NCOA1: variants seen among roughly 807,000 people sequenced by gnomAD.
NCOA1 encodes nuclear receptor coactivator 1, also known as Hin-2 protein.
A neutral mutation model predicts 150.9 loss-of-function variants in NCOA1; 35 were observed. The ratio of observed to expected loss-of-function variants is 0.23; its 90% confidence interval spans 0.18 to 0.31. The LOEUF is 0.31. Ranked by LOEUF, NCOA1 falls within the 10% of genes least tolerant of loss-of-function variation. The pLI, the probability that NCOA1 is intolerant of heterozygous loss-of-function variation, is 1.00. For missense variants in NCOA1, 1,491 were observed against 1,749.3 expected (o/e 0.85, Z 2.63); for synonymous variants, 590 against 630.0 (o/e 0.94, Z 0.95).
At chr2:24,642,135 GTATTATTTTCATTT>G (rs946930592) in intron 3 of NCOA1, among the ~76,000 whole-genome samples, 4 of 151,384 alleles carry the variant, frequency 2.6e-5, no homozygotes, top group African/African-American at 9.7e-5. Context: ...TTCAGACTGG[GTATTATTTTCATTT>G]CAAGTTCACT....
intron 1 of NCOA1, among the ~76,000 whole-genome samples, chr2:24,544,283 A>G (rs554093235): frequency 4.9e-4 from 75 of 152,164 alleles, no homozygotes; most frequent in Non-Finnish European, 8.5e-4. Context: ...TGGTAGTTGG[A>G]TAAGTGGGTT....
intron 3 of NCOA1, among the ~76,000 whole-genome samples, chr2:24,640,146 G>T (rs906130699): frequency 6.6e-6 from 1 of 151,466 alleles, no homozygotes; most frequent in African/African-American, 2.4e-5. Flanking sequence ...ATATGTTAAT[G>T]GTTTCTAACT....
intron 3 of NCOA1, among the ~76,000 whole-genome samples, chr2:24,593,518 CTT>C (rs1229380634): frequency 6.6e-6 from 1 of 152,062 alleles, no homozygotes; most frequent in African/African-American, 2.4e-5. Context: ...TTACACATTT[CTT>C]TGTCCTTCCT....
chr2:24,534,852 G>T (rs1391735888), intron 1 of NCOA1, among the ~76,000 whole-genome samples: 1 of 152,184 alleles, frequency 6.6e-6, no homozygotes, highest in African/African-American at 2.4e-5. Flanking sequence ...ATTTGCTGAG[G>T]AGTGCTTTAC....
intron 18 of NCOA1, 65 bp downstream of exon 18, chr2:24,739,598 G>T: frequency 8.3e-7 from 1 of 1,206,156 alleles, no homozygotes; most frequent in South Asian, 1.2e-5. Flanking sequence ...TTAAAGTGTT[G>T]ACTTGAGTGT....
chr2:24,498,975 C>T, intron 1 of NCOA1, among the ~76,000 whole-genome samples: 1 of 151,600 alleles, frequency 6.6e-6, no homozygotes, highest in East Asian at 1.9e-4. Context: ...GAAGTTGGTA[C>T]AAAATCTTTT....
intron 1 of NCOA1, among the ~76,000 whole-genome samples, chr2:24,533,077 T>A (rs1272771481): frequency 6.6e-6 from 1 of 152,316 alleles, no homozygotes; most frequent in Middle Eastern, 3.4e-3. Context: ...ATTCTTCCTA[T>A]CCATGAGCAT....
chr2:24,708,291 G>C (rs1448013561), intron 13 of NCOA1, among the ~76,000 whole-genome samples: 1 of 152,170 alleles, frequency 6.6e-6, no homozygotes. Flanking sequence ...TAAGGAGATG[G>C]ACAAGGTTAC....
chr2:24,550,767 T>C (rs1235843658), intron 1 of NCOA1, among the ~76,000 whole-genome samples: 1 of 152,242 alleles, frequency 6.6e-6, no homozygotes, highest in Non-Finnish European at 1.5e-5. Context: ...TCACTTGTTT[T>C]GTACAGTTTC....
chr2:24,642,041 C>T (rs976666648), intron 3 of NCOA1, among the ~76,000 whole-genome samples: 10 of 87,472 alleles, frequency 1.1e-4, no homozygotes, highest in Admixed American at 4.9e-4. Context: ...TGTGTGTGCG[C>T]GCGTGCGTAT....
intron 1 of NCOA1, among the ~76,000 whole-genome samples, chr2:24,560,613 C>A (rs889760231): frequency 1.3e-5 from 2 of 152,072 alleles, no homozygotes; most frequent in Admixed American, 6.6e-5. Flanking sequence ...AGGTTTGAAC[C>A]CAGGCTATTT....
At chr2:24,699,567 A>G (rs928399459) in intron 11 of NCOA1, among the ~76,000 whole-genome samples, 1 of 151,978 alleles carries the variant, frequency 6.6e-6, no homozygotes, top group African/African-American at 2.4e-5. Flanking sequence ...TTTTTTAGGG[A>G]AAAAAAATCC....
At chr2:24,687,256 G>C (rs1449041534) in intron 8 of NCOA1, among the ~76,000 whole-genome samples, 2 of 152,020 alleles carry the variant, frequency 1.3e-5, no homozygotes, top group Non-Finnish European at 2.9e-5. Context: ...TCCGCAAGTA[G>C]CTTTCTTTGT....
chr2:24,712,655 G>A (rs1673801482), intron 14 of NCOA1, among the ~76,000 whole-genome samples: 1 of 151,010 alleles, frequency 6.6e-6, no homozygotes, highest in African/African-American at 2.4e-5. Flanking sequence ...TATAATGAAT[G>A]CATAAACCAA....
intron 7 of NCOA1, 83 bp from the exon 8 acceptor site, chr2:24,682,868 C>T: frequency 8.0e-7 from 1 of 1,242,874 alleles, no homozygotes. Flanking sequence ...TATTTCTGAT[C>T]TCTTTTTTAA....
chr2:24,521,161 T>C (rs1441299518), intron 1 of NCOA1, among the ~76,000 whole-genome samples: 1 of 152,214 alleles, frequency 6.6e-6, no homozygotes. Context: ...TACATGCTTA[T>C]GGTATACAAC....
intron 2 of NCOA1, among the ~76,000 whole-genome samples, chr2:24,569,673 C>G (rs1366508610): frequency 1.4e-5 from 2 of 142,340 alleles, no homozygotes; most frequent in Non-Finnish European, 3.0e-5. Context: ...AGTTCAAGAC[C>G]AACCTGGCCA....
chr2:24,693,010 G>A (rs1297663423), intron 9 of NCOA1, among the ~76,000 whole-genome samples: 3 of 152,196 alleles, frequency 2.0e-5, no homozygotes, highest in East Asian at 1.9e-4. Flanking sequence ...GCAGGCGCCC[G>A]CCACCATGCC....
intron 1 of NCOA1, among the ~76,000 whole-genome samples, chr2:24,539,872 C>G (rs1236638076): frequency 6.6e-6 from 1 of 152,168 alleles, no homozygotes. Flanking sequence ...CATGAGCAAC[C>G]AAGCAGCTTC....
Sources: gnomAD v4.1 joint callset for allele counts (sites outside exome capture counted in the v4.1 genomes callset) on GRCh38, gnomAD v4.1.1 for gene constraint, MANE v1.5 for transcripts, NCBI Gene and HGNC (gene_info 2026-07-23, HGNC 2026-07-21) for gene names.